The following ATF7 variants were observed in gnomAD, a reference collection of about 807,000 sequenced individuals.
ATF7 encodes the protein cyclic AMP-dependent transcription factor ATF-7.
In ATF7, 10 loss-of-function variants were observed where a neutral mutation model predicts 50.4. That is an observed-to-expected ratio of 0.20 (90% CI 0.12 to 0.34). The LOEUF (loss-of-function observed/expected upper bound fraction) is 0.34, where lower values mean the gene tolerates loss of function less well. ATF7 is among the 10% of genes least tolerant of loss of function. The pLI, the probability that ATF7 is intolerant of heterozygous loss-of-function variation, is 1.00. For synonymous variants in ATF7, 201 were observed against 226.4 expected (o/e 0.89, Z 1.01); for missense variants, 465 against 613.9 (o/e 0.76, Z 2.56).
At chr12:53,572,726 C>A (rs1037705462) in intron 2 of ATF7, among the ~76,000 whole-genome samples, 3 of 151,856 alleles carry the variant, frequency 2.0e-5, no homozygotes, top group Admixed American at 6.6e-5. Flanking sequence ...GTGGGAGGAC[C>A]GCTTGAGCCC....
At chr12:53,521,916 C>T (rs1938148677) in intron 11 of ATF7, among the ~76,000 whole-genome samples, 2 of 152,130 alleles carry the variant, frequency 1.3e-5, no homozygotes, top group Admixed American at 1.3e-4. Context: ...GATATAGTTA[C>T]TCCTTTTCTA....
intron 4 of ATF7, among the ~76,000 whole-genome samples, chr12:53,542,107 GTT>G (rs1199418506): frequency 3.9e-5 from 4 of 101,448 alleles, no homozygotes; most frequent in Non-Finnish European, 5.8e-5. Context: ...CGCCTGGCCT[GTT>G]TTTTTTTTTT....
At chr12:53,534,276 C>T (rs1939090094) in intron 6 of ATF7, among the ~76,000 whole-genome samples, 1 of 151,480 alleles carries the variant, frequency 6.6e-6, no homozygotes, top group South Asian at 2.1e-4. Flanking sequence ...GCCTCTATCT[C>T]AAAAAAACCC....
At chr12:53,562,793 G>T (rs989781921) in intron 2 of ATF7, among the ~76,000 whole-genome samples, 11 of 152,040 alleles carry the variant, frequency 7.2e-5, no homozygotes, top group African/African-American at 2.7e-4. Flanking sequence ...CTAATGCAAG[G>T]ATGCAAGAAG....
chr12:53,581,692 G>T (rs1223030317), intron 2 of ATF7, among the ~76,000 whole-genome samples: 1 of 152,144 alleles, frequency 6.6e-6, no homozygotes, highest in South Asian at 2.1e-4. Context: ...ACAGTGATTA[G>T]TGGGAAACTG....
chr12:53,550,331 A>AATAAAT (rs1940263896), intron 3 of ATF7, among the ~76,000 whole-genome samples: 2 of 123,650 alleles, frequency 1.6e-5, no homozygotes, highest in Admixed American at 8.7e-5. Flanking sequence ...CTCAAAAAAA[A>AATAAAT]AAATAAATAA....
At chr12:53,533,008 G>A (rs1938997976) in intron 7 of ATF7, among the ~76,000 whole-genome samples, 152 bp downstream of exon 7, 2 of 152,214 alleles carry the variant, frequency 1.3e-5, no homozygotes, top group South Asian at 2.1e-4. Flanking sequence ...GATTGGCAGA[G>A]GTTAGTGAAG....
At chr12:53,621,371 T>G (rs1292476268) in intron 1 of ATF7, among the ~76,000 whole-genome samples, 4 of 152,120 alleles carry the variant, frequency 2.6e-5, no homozygotes, top group Admixed American at 6.5e-5. Flanking sequence ...TTTATCAAAT[T>G]TATCAATAAT....
In ATF7 at chr12:53,577,702, C is replaced by T. The variant is rs148228547; in HGVS notation, c.48+23251G>A. Among the ~76,000 whole-genome samples, 836 of 139,768 alleles carry T rather than the reference C, an allele frequency of 6.0e-3. 3 individuals are homozygous for T. Among genetic ancestry groups the T allele is most frequent in the African/African-American group, 0.022 (791 of 36,584 alleles). 91.7% of individuals were successfully genotyped at this position (139,768 alleles called of 152,430 possible). On this transcript the variant is annotated intron_variant, in intron 2 of 11. Coordinates refer to ENST00000420353, the MANE Select transcript of ATF7 (RefSeq NM_006856.3). ...CTGCAGTCCGGCCTGGGAGAAAGAG[C>T]GAGACTCCGTCTCTGAAAAAAAAAA...
At position 53,622,809 on chromosome 12, in the gene ATF7, C is replaced by CA. The variant is rs200585176; in HGVS notation, c.-22+3469dup. ...GCAATGCAGGGAGACCCAATCTCTA[C>CA]AAAAAATTTAAAAATTAGCCAGGCA... On this transcript the variant is annotated intron_variant, in intron 1 of 11. Coordinates refer to ENST00000420353, the MANE Select transcript of ATF7 (RefSeq NM_006856.3). Among the ~76,000 whole-genome samples, 191 of 151,632 alleles carry CA rather than the reference C, an allele frequency of 1.3e-3. 2 individuals carry two copies. In the East Asian group the frequency reaches 0.028, roughly 22 times the overall value.
chr12:53,570,815 T>G (rs1006576874), intron 2 of ATF7, among the ~76,000 whole-genome samples: 25 of 151,640 alleles, frequency 1.6e-4, no homozygotes, highest in Non-Finnish European at 7.4e-5. Context: ...CCAGTCATAT[T>G]GGAGTAGGGG....
At position 53,531,896 on chromosome 12, in the gene ATF7, T is replaced by C; in HGVS notation, c.775A>G (p.Arg259Gly). Residue 259 changes from arginine (R) to glycine (G), a missense_variant and splice_region_variant, in exon 9 of 12, where the codon AGA becomes GGA. Physicochemically the swap from Arg to Gly is moderately radical, Grantham distance 125. Coordinates refer to ENST00000420353, the MANE Select transcript of ATF7 (RefSeq NM_006856.3). ...TGGTGAGTTAGGGTGGCTTTCAGTC[T>C]CTGTGGGCAAAGATAAGAAAAAATG... Reference protein sequence around the residue: ...GHPIPSEAKMRLKATLTHQVS... With the variant: ...GHPIPSEAKMGLKATLTHQVS... 3.1e-6 allele frequency: 5 copies of C among 1,613,426 alleles called. No homozygotes were observed. The highest frequency in any genetic ancestry group is 4.2e-6 in the Non-Finnish European group (5 of 1,179,752).
intron 2 of ATF7, among the ~76,000 whole-genome samples, chr12:53,573,580 A>C (rs1269723399): frequency 2.0e-5 from 3 of 152,068 alleles, no homozygotes; most frequent in East Asian, 1.9e-4. Context: ...ATGGATGAGA[A>C]ACCCATGGAT....
In ATF7 at chr12:53,513,550, T is replaced by C. The variant is rs1282284065; in HGVS notation, c.*3587A>G. ...GCATATCAACAAGGCATATGTGATA[T>C]AGCTAGGAAGACTGGAATCTAAACA... On this transcript the variant is annotated 3_prime_UTR_variant, in exon 12 of 12. Coordinates refer to ENST00000420353, the MANE Select transcript of ATF7 (RefSeq NM_006856.3). 1 of 152,040 alleles carries C rather than the reference T, an allele frequency of 6.6e-6. No homozygotes were observed. Among genetic ancestry groups the C allele is most frequent in the Non-Finnish European group, 1.5e-5 (1 of 68,026 alleles). 9.4% of individuals were successfully genotyped at this position (152,040 alleles called of 1,614,324 possible).
chr12:53,603,388 A>C lies in ATF7; in HGVS notation c.-21-2367T>G, dbSNP rs142715673. ...AAAAATCATGACTTTCTGAAAGAAA[A>C]AAAAACAAAAACAAAAAAATTTGGG... On this transcript the variant is annotated intron_variant, in intron 1 of 11. Transcript: ENST00000420353. Among the ~76,000 whole-genome samples the C allele has an allele frequency of 4.1e-3, 624 of 152,348 alleles. 5 individuals carry two copies. Among genetic ancestry groups the C allele is most frequent in the South Asian group, 0.017 (84 of 4,828 alleles).
chr12:53,522,415 C>T (rs1282752455), intron 11 of ATF7, among the ~76,000 whole-genome samples: 1 of 151,808 alleles, frequency 6.6e-6, no homozygotes, highest in Non-Finnish European at 1.5e-5. Context: ...AAAAATTAGC[C>T]AGGCATGGTG....
chr12:53,594,986 G>A (rs954331795), intron 2 of ATF7, among the ~76,000 whole-genome samples: 3 of 151,890 alleles, frequency 2.0e-5, no homozygotes, highest in Non-Finnish European at 4.4e-5. Context: ...AGCATCCAGA[G>A]AGTGAACTGA....
intron 9 of ATF7, among the ~76,000 whole-genome samples, chr12:53,526,433 C>T (rs1461197253): frequency 1.3e-5 from 2 of 152,060 alleles, no homozygotes. Context: ...TTATGATTTT[C>T]TTAATATTTT....
At chr12:53,567,770 G>A (rs1377684807) in intron 2 of ATF7, among the ~76,000 whole-genome samples, 1 of 152,134 alleles carries the variant, frequency 6.6e-6, no homozygotes, top group Non-Finnish European at 1.5e-5. Flanking sequence ...CTTAGCTGGG[G>A]TACCATTAAA....
Sources: gnomAD v4.1 joint callset for allele counts (sites outside exome capture counted in the v4.1 genomes callset) on GRCh38, gnomAD v4.1.1 for gene constraint, MANE v1.5 for transcripts, NCBI Gene and HGNC (gene_info 2026-07-23, HGNC 2026-07-21) for gene names.